The following SPATA6 variants were observed in gnomAD, a reference collection of about 807,000 sequenced individuals.
The protein encoded by SPATA6 is spermatogenesis associated 6, also known as spermatogenesis-associated protein 6.
In SPATA6, 56 loss-of-function variants were observed where a neutral mutation model predicts 65.3. The ratio of observed to expected loss-of-function variants is 0.86; its 90% CI spans 0.69 to 1.07. The LOEUF (loss-of-function observed/expected upper bound fraction) is 1.07, where lower values mean the gene tolerates loss of function less well. Ranked by LOEUF, SPATA6 falls within the 50% of genes least tolerant of loss-of-function variation. The probability of loss-of-function intolerance (pLI) is 0.00; values close to 1 mark genes in which losing one functional copy is unlikely to be tolerated. For missense variants in SPATA6, 590 were observed against 594.8 expected (o/e 0.99, Z 0.08); for synonymous variants, 199 against 213.2 (o/e 0.93, Z 0.58).
chr1:48,468,891 A>G (rs1473239553), intron 1 of SPATA6, among the ~76,000 whole-genome samples: 1 of 152,196 alleles, frequency 6.6e-6, no homozygotes, highest in African/African-American at 2.4e-5. Flanking sequence ...TTTCTCACCA[A>G]TTATCTTAGG....
At position 48,359,509 on chromosome 1, in the gene SPATA6, C is replaced by T. The variant is rs917525234; in HGVS notation, c.1094+77G>A. 3.4e-6 allele frequency: 5 copies of T among 1,452,562 alleles called. No individual in the cohort carries two copies. The South Asian group carries it at 4.1e-5, about 12-fold the overall frequency. 90.0% of individuals were successfully genotyped at this position (1,452,562 alleles called of 1,614,324 possible). A position where few individuals can be genotyped will look rare whatever the true frequency, so the allele number is the denominator to read the frequency against. On this transcript the variant is annotated intron_variant, in intron 10 of 12. Transcript: ENST00000371847. ...TACACTTTTATAAACATTCATTTCA[C>T]ATGCATAATTGCTGCTTCCCCTTCT...
intron 7 of SPATA6, 92 bp from the exon 8 acceptor site, chr1:48,395,446 A>C: frequency 1.3e-6 from 1 of 752,502 alleles, no homozygotes; most frequent in Non-Finnish European, 1.9e-6. Context: ...GAGTACAGAG[A>C]GCATATATAA....
At chr1:48,285,893 C>A in the SPATA6 span, among the ~76,000 whole-genome samples, 1 of 152,128 alleles carries the variant, frequency 6.6e-6, no homozygotes, top group African/African-American at 2.4e-5. Context: ...AGCCATCTTG[C>A]CAGCCACCCC....
the SPATA6 span, among the ~76,000 whole-genome samples, chr1:48,277,064 CCTTTA>C: frequency 0.11 from 15,840 of 149,012 alleles, 1,078 homozygotes; most frequent in Non-Finnish European, 0.16. Flanking sequence ...TGCATTGATC[CCTTTA>C]CCATTAGCAA....
the SPATA6 span, among the ~76,000 whole-genome samples, chr1:48,273,639 G>C: frequency 2.0e-5 from 3 of 152,162 alleles, no homozygotes; most frequent in South Asian, 6.2e-4. Flanking sequence ...ATGGTTTCCA[G>C]TGTCATCCAT....
At chr1:48,328,045 A>G (rs1047370102) in intron 11 of SPATA6, among the ~76,000 whole-genome samples, 4 of 152,172 alleles carry the variant, frequency 2.6e-5, no homozygotes, top group African/African-American at 7.2e-5. Flanking sequence ...ATTTGAATAT[A>G]TATTTCTCCA....
intron 9 of SPATA6, among the ~76,000 whole-genome samples, chr1:48,378,329 T>C (rs78903840): frequency 0.077 from 11,767 of 152,238 alleles, 620 homozygotes; most frequent in East Asian, 0.23. Context: ...AATAAAACTA[T>C]AGCCTACAAT....
At chr1:48,349,653 G>T (rs1238764446) in intron 11 of SPATA6, among the ~76,000 whole-genome samples, 1 of 151,832 alleles carries the variant, frequency 6.6e-6, no homozygotes, top group Non-Finnish European at 1.5e-5. Context: ...GGTCTCTTTT[G>T]TAGTCAACAT....
At chr1:48,455,381 CTTT>C (rs760784000) in intron 1 of SPATA6, among the ~76,000 whole-genome samples, 2 of 143,974 alleles carry the variant, frequency 1.4e-5, no homozygotes, top group East Asian at 2.0e-4. Flanking sequence ...ACCTCTTTAA[CTTT>C]TTTTTTTTTT....
chr1:48,407,381 C>T (rs1479099398), intron 5 of SPATA6, among the ~76,000 whole-genome samples: 1 of 152,138 alleles, frequency 6.6e-6, no homozygotes, highest in Non-Finnish European at 1.5e-5. Context: ...TGTCAACTTT[C>T]TGGCAGGTAA....
rs952132384 is a variant in SPATA6 at position 48,367,650 on chromosome 1, T to C, written c.910-7880A>G. 1.2e-4 allele frequency among the ~76,000 whole-genome samples: 18 copies of C among 152,314 alleles called. No individual in the cohort carries two copies. In the East Asian group the frequency reaches 2.9e-3, roughly 24 times the overall value. ...CTTTTTTTGTTTTCCATTTGCTTGG[T>C]AGATCTTCCTCCATCCCTTTATTTT... is the stretch of plus-strand genomic sequence containing the variant. On this transcript the variant is annotated intron_variant, in intron 9 of 12. Transcript: ENST00000371847.
intron 1 of SPATA6, among the ~76,000 whole-genome samples, chr1:48,459,715 A>C (rs766732942): frequency 6.6e-6 from 1 of 152,196 alleles, no homozygotes; most frequent in Non-Finnish European, 1.5e-5. Flanking sequence ...GAGTCATAAA[A>C]CAAGTCTCAA....
intron 5 of SPATA6, among the ~76,000 whole-genome samples, chr1:48,408,349 A>G (rs956880065): frequency 6.6e-6 from 1 of 152,196 alleles, no homozygotes; most frequent in African/African-American, 2.4e-5. Flanking sequence ...ACTTACTTTC[A>G]GCAATAAAAT....
In SPATA6 at chr1:48,472,044, C is replaced by T. The variant is rs1658307857; in HGVS notation, c.-36G>A. 3.4e-6 allele frequency: 5 copies of T among 1,469,800 alleles called. No homozygotes were observed. In the South Asian group the frequency reaches 5.3e-5, roughly 16 times the overall value. 91.0% of individuals were successfully genotyped at this position (1,469,800 alleles called of 1,614,324 possible). A position where few individuals can be genotyped will look rare whatever the true frequency, so the allele number is the denominator to read the frequency against. On this transcript the variant is annotated 5_prime_UTR_variant, in exon 1 of 13. An upstream open reading frame in the 5' UTR gains an earlier in-frame stop. Transcript: ENST00000371847. ...AGGGGCGGCGGGGAGTGACCCCGGC[C>T]ACGGGCCCGAGTGAGGCGGGGAGAC...
chr1:48,271,885 A>G, the SPATA6 span, among the ~76,000 whole-genome samples: 1 of 152,268 alleles, frequency 6.6e-6, no homozygotes, highest in African/African-American at 2.4e-5. Flanking sequence ...CAATCAATAG[A>G]TATTGTACTG....
intron 3 of SPATA6, among the ~76,000 whole-genome samples, chr1:48,419,857 C>T (rs890194923): frequency 1.3e-5 from 2 of 152,038 alleles, no homozygotes; most frequent in Non-Finnish European, 2.9e-5. Flanking sequence ...TAAAAGGAGT[C>T]CAAGGTAGTA....
At chr1:48,327,750 T>C (rs1426589013) in intron 11 of SPATA6, among the ~76,000 whole-genome samples, 1 of 152,020 alleles carries the variant, frequency 6.6e-6, no homozygotes, top group Non-Finnish European at 1.5e-5. Context: ...CGTTTATAAG[T>C]GGAAGATAAA....
At chr1:48,267,372 C>A in the SPATA6 span, among the ~76,000 whole-genome samples, 16 of 152,214 alleles carry the variant, frequency 1.1e-4, no homozygotes, top group Non-Finnish European at 1.9e-4. Flanking sequence ...TGCCTTATTG[C>A]AAGGACAGAG....
intron 9 of SPATA6, among the ~76,000 whole-genome samples, chr1:48,381,430 T>C (rs573097600): frequency 9.2e-5 from 14 of 152,172 alleles, no homozygotes; most frequent in Non-Finnish European, 1.9e-4. Flanking sequence ...TTCACCTAGA[T>C]GATTCTGTCA....
Sources: allele counts gnomAD v4.1 joint callset (sites outside exome capture counted in the v4.1 genomes callset), GRCh38; gene constraint gnomAD v4.1.1; transcripts MANE v1.5; gene names NCBI Gene and HGNC (gene_info 2026-07-23, HGNC 2026-07-21).